Variants in HLCS observed in about 807,000 individuals in gnomAD.
The protein encoded by HLCS is biotin--protein ligase.
A neutral mutation model predicts 75.0 loss-of-function variants in HLCS; 53 were observed. The observed-to-expected ratio is 0.71, with a 90% CI of 0.57 to 0.89. The LOEUF (loss-of-function observed/expected upper bound fraction) is 0.89. Ranked by LOEUF, HLCS falls within the 40% of genes least tolerant of loss-of-function variation. The pLI is 0.00. For synonymous variants in HLCS, 431 were observed against 428.6 expected (o/e 1.01, Z -0.07); for missense variants, 966 against 1,074.0 (o/e 0.90, Z 1.41).
Position 36,955,481 on chromosome 21 carries a change from T to A in HLCS, c.330+6555A>T, listed in dbSNP as rs77666112. 7.9e-5 allele frequency among the ~76,000 whole-genome samples: 12 copies of A among 151,592 alleles called. No individual in the cohort carries two copies. The South Asian group carries it at 8.4e-4, about 11-fold the overall frequency. On this transcript the variant is annotated intron_variant, in intron 2 of 10. Transcript: ENST00000674895. ...TAAGAATAAAATTTTAAAAACAAAA[T>A]TTTTTTTTAAATATATAAAATCTTA... is the stretch of plus-strand genomic sequence containing the variant.
intron 6 of HLCS, among the ~76,000 whole-genome samples, chr21:36,835,931 G>A (rs535271221): frequency 6.6e-6 from 1 of 151,488 alleles, no homozygotes. Flanking sequence ...ATCAAACCAG[G>A]AGTCCCCTGG....
At chr21:36,977,212 TC>T (rs2068962209) in intron 1 of HLCS, among the ~76,000 whole-genome samples, 1 of 152,004 alleles carries the variant, frequency 6.6e-6, no homozygotes, top group Non-Finnish European at 1.5e-5. Flanking sequence ...AGGGGAGTGG[TC>T]CTTTATATTT....
intron 6 of HLCS, among the ~76,000 whole-genome samples, chr21:36,854,351 G>T (rs1191419428): frequency 6.6e-6 from 1 of 152,172 alleles, no homozygotes; most frequent in African/African-American, 2.4e-5. Flanking sequence ...AGCTCCCGGG[G>T]TTCCCACCAG....
At chr21:36,841,934 T>C (rs73385247) in intron 6 of HLCS, among the ~76,000 whole-genome samples, 1,864 of 152,290 alleles carry the variant, frequency 0.012, 47 homozygotes, top group African/African-American at 0.043. Context: ...TAGGACCCAC[T>C]AAGGCTGACA....
At chr21:36,855,664 C>A (rs1010864000) in intron 6 of HLCS, among the ~76,000 whole-genome samples, 1 of 152,096 alleles carries the variant, frequency 6.6e-6, no homozygotes, top group African/African-American at 2.4e-5. Context: ...GCAACCTCTG[C>A]CTCCCAGGCT....
chr21:36,903,093 G>A (rs931465601), intron 5 of HLCS, among the ~76,000 whole-genome samples: 3 of 152,148 alleles, frequency 2.0e-5, no homozygotes, highest in Non-Finnish European at 4.4e-5. Context: ...GATCCTGCTT[G>A]CAAAGAAACC....
At chr21:36,960,232 G>C (rs762843463) in intron 2 of HLCS, among the ~76,000 whole-genome samples, 9 of 149,882 alleles carry the variant, frequency 6.0e-5, no homozygotes, top group Non-Finnish European at 1.3e-4. Context: ...GGTAGAATGA[G>C]CTGAGTGCAG....
chr21:36,918,922 T>C (rs1193512178), intron 5 of HLCS, among the ~76,000 whole-genome samples: 1 of 152,260 alleles, frequency 6.6e-6, no homozygotes, highest in Non-Finnish European at 1.5e-5. Context: ...AATGCACAGA[T>C]ACTACAGTCC....
chr21:36,768,571 C>T (rs940814536), intron 6 of HLCS, among the ~76,000 whole-genome samples: 15 of 152,352 alleles, frequency 9.8e-5, no homozygotes, highest in South Asian at 4.1e-4. Flanking sequence ...AGACCCTTCA[C>T]GTGTTAAAAA....
At chr21:36,983,978 T>C (rs1279989298) in intron 1 of HLCS, among the ~76,000 whole-genome samples, 1 of 152,096 alleles carries the variant, frequency 6.6e-6, no homozygotes, top group Non-Finnish European at 1.5e-5. Context: ...TGATACTATA[T>C]GCACAAACCA....
intron 5 of HLCS, among the ~76,000 whole-genome samples, chr21:36,929,664 T>C (rs929105891): frequency 1.3e-5 from 2 of 152,208 alleles, no homozygotes; most frequent in Admixed American, 6.5e-5. Context: ...ACAATGACTA[T>C]GAAACTGATA....
chr21:36,862,824 A>G (rs1053777827), intron 6 of HLCS, among the ~76,000 whole-genome samples: 3 of 152,144 alleles, frequency 2.0e-5, no homozygotes, highest in African/African-American at 7.2e-5. Flanking sequence ...CTGGAGACTC[A>G]CCAAAAGGAA....
chr21:36,878,667 G>A (rs973936120), intron 6 of HLCS, among the ~76,000 whole-genome samples: 63 of 152,184 alleles, frequency 4.1e-4, no homozygotes, highest in African/African-American at 1.0e-3. Flanking sequence ...TAGGACTCCC[G>A]TTATAGCTTT....
At chr21:36,890,918 G>A (rs1472440026) in intron 6 of HLCS, among the ~76,000 whole-genome samples, 1 of 152,104 alleles carries the variant, frequency 6.6e-6, no homozygotes, top group Non-Finnish European at 1.5e-5. Flanking sequence ...TATTTTTCTT[G>A]GTAGTCTGAA....
chr21:36,913,809 C>T (rs1436235029), intron 5 of HLCS, among the ~76,000 whole-genome samples: 1 of 152,220 alleles, frequency 6.6e-6, no homozygotes, highest in Admixed American at 6.5e-5. Context: ...CACCCACTAG[C>T]TGTGCCTACT....
intron 6 of HLCS, among the ~76,000 whole-genome samples, chr21:36,779,129 C>G (rs1030294149): frequency 5.0e-5 from 7 of 139,986 alleles, no homozygotes; most frequent in African/African-American, 1.9e-4. Flanking sequence ...CCACAGTGAG[C>G]TCTGTGGAAC....
chr21:36,889,250 C>T (rs970547142), intron 6 of HLCS, among the ~76,000 whole-genome samples: 2 of 152,180 alleles, frequency 1.3e-5, no homozygotes, highest in East Asian at 1.9e-4. Context: ...AAATACAAAA[C>T]GTCCAACCTT....
At chr21:36,881,107 C>T (rs531831175) in intron 6 of HLCS, among the ~76,000 whole-genome samples, 3 of 152,176 alleles carry the variant, frequency 2.0e-5, no homozygotes, top group African/African-American at 7.2e-5. Flanking sequence ...CTAGCTGGGA[C>T]TACAGGTGTG....
intron 5 of HLCS, among the ~76,000 whole-genome samples, chr21:36,910,917 C>T (rs771823822): frequency 2.6e-5 from 4 of 152,066 alleles, no homozygotes; most frequent in South Asian, 2.1e-4. Flanking sequence ...CACCGGCACA[C>T]AAAAGCGAAC....
Sources: gnomAD v4.1 joint callset for allele counts (sites outside exome capture counted in the v4.1 genomes callset) on GRCh38, gnomAD v4.1.1 for gene constraint, MANE v1.5 for transcripts, NCBI Gene and HGNC (gene_info 2026-07-23, HGNC 2026-07-21) for gene names.